ILDR1: variants seen among roughly 807,000 people sequenced by gnomAD.
ILDR1 encodes the protein immunoglobulin like domain containing receptor 1.
A neutral mutation model predicts 62.4 loss-of-function variants in ILDR1; 56 were observed. That is an observed-to-expected ratio of 0.90 (90% CI 0.72 to 1.12). The LOEUF is 1.12. Among genes scored for constraint, ILDR1 ranks in the 50% most tolerant of loss-of-function variants. The pLI, the probability that ILDR1 is intolerant of heterozygous loss-of-function variation, is 0.00. For synonymous variants in ILDR1, 284 were observed against 277.8 expected, an observed-to-expected ratio of 1.02 and a Z score of -0.22; for missense variants, 736 against 710.6, an observed-to-expected ratio of 1.04 and a Z score of -0.41.
rs111642362 is a variant in ILDR1, at chr3:122,002,628, T to A, written c.380-764A>T. 8.0e-3 allele frequency among the ~76,000 whole-genome samples: 1,218 copies of A among 152,264 alleles called. 15 individuals carry two copies. Among genetic ancestry groups the A allele is most frequent in the African/African-American group, 0.027 (1,123 of 41,536 alleles). On this transcript the variant is annotated intron_variant, in intron 3 of 7. Coordinates refer to ENST00000344209, the MANE Select transcript of ILDR1 (RefSeq NM_001199799.2). ...ATTTGCTGTACATTCATTTTTTTTT[T>A]AATTTTAAGGTCAGGGGTATATGTG...
the ILDR1 span, among the ~76,000 whole-genome samples, chr3:122,061,074 C>T: frequency 5.5e-3 from 842 of 152,158 alleles, 7 homozygotes; most frequent in African/African-American, 0.019. Context: ...TATTAGGTGT[C>T]GAATCAGATT....
chr3:122,012,026 C>T (rs1414356381), intron 1 of ILDR1, among the ~76,000 whole-genome samples: 2 of 152,172 alleles, frequency 1.3e-5, no homozygotes, highest in African/African-American at 4.8e-5. Context: ...AGTCAGGCGC[C>T]AGGCTCTTAA....
At chr3:122,037,162 G>T in the ILDR1 span, among the ~76,000 whole-genome samples, 11 of 152,342 alleles carry the variant, frequency 7.2e-5, no homozygotes, top group Admixed American at 7.2e-4. Context: ...GAATTGTGGG[G>T]TTGGAGCCCC....
upstream of ILDR1, among the ~76,000 whole-genome samples, chr3:122,026,017 C>T (rs546013154): frequency 9.1e-4 from 138 of 152,162 alleles, no homozygotes; most frequent in African/African-American, 3.2e-3. Flanking sequence ...AGCAGAGAGA[C>T]CAGCCTATAC....
chr3:121,997,266 T>A (rs763737693), intron 5 of ILDR1, among the ~76,000 whole-genome samples: 35 of 152,230 alleles, frequency 2.3e-4, no homozygotes, highest in Non-Finnish European at 3.8e-4. Flanking sequence ...CAGTCCTCCC[T>A]GATTTGACTG....
chr3:122,056,016 G>A, the ILDR1 span, among the ~76,000 whole-genome samples: 175 of 152,226 alleles, frequency 1.1e-3, no homozygotes, highest in African/African-American at 3.9e-3. Context: ...AGTGGAAGGA[G>A]GTAGAGTGAT....
Position 121,988,096 on chromosome 3 carries a change from A to G in ILDR1, c.*271T>C. 1 of 500,230 alleles carries G rather than the reference A, an allele frequency of 2.0e-6. No individual in the cohort carries two copies. The allele number at this position is 500,230 out of a possible 1,614,324, so 31.0% of individuals were successfully genotyped here. A position where few individuals can be genotyped will look rare whatever the true frequency, so the allele number is the denominator to read the frequency against. Reference sequence around the variant, plus strand: ...CCTAACTAATTTTTATATTTTTTGTAGAGACGGGGTCTCACTATGTTTCCC... The same window carrying G: ...CCTAACTAATTTTTATATTTTTTGTGGAGACGGGGTCTCACTATGTTTCCC... On this transcript the variant is annotated 3_prime_UTR_variant, in exon 8 of 8. Transcript: ENST00000344209.
chr3:122,045,371 G>A, the ILDR1 span, among the ~76,000 whole-genome samples: 8 of 151,202 alleles, frequency 5.3e-5, no homozygotes, highest in South Asian at 4.2e-4. Context: ...GTGTGGTGTG[G>A]TGCTGAAAAA....
chr3:122,042,363 G>C, the ILDR1 span, among the ~76,000 whole-genome samples: 4 of 59,484 alleles, frequency 6.7e-5, no homozygotes, highest in African/African-American at 2.7e-4. Context: ...TGTGAATAAT[G>C]CCGCAATAAA....
the ILDR1 span, among the ~76,000 whole-genome samples, chr3:122,052,164 T>G: frequency 1.3e-5 from 2 of 152,224 alleles, no homozygotes; most frequent in Non-Finnish European, 2.9e-5. Flanking sequence ...AAGAGGGCAC[T>G]GAGCTGTATT....
chr3:122,040,723 CAAAAAAAAAAAAAG>C, the ILDR1 span, among the ~76,000 whole-genome samples: 1 of 65,392 alleles, frequency 1.5e-5, no homozygotes, highest in African/African-American at 5.5e-5. Flanking sequence ...AATCCAGATG[CAAAAAAAAAAAAAG>C]AAAAAAAAAA....
chr3:122,013,386 G>A (rs2071731499), intron 1 of ILDR1, among the ~76,000 whole-genome samples: 4 of 152,080 alleles, frequency 2.6e-5, no homozygotes, highest in Admixed American at 2.6e-4. Flanking sequence ...TAGGCAGGAG[G>A]GTGAAGGCAG....
At position 122,005,250 on chromosome 3, in the gene ILDR1, G is replaced by A. The variant is rs2071587037; in HGVS notation, c.373C>T (p.Gln125Ter). ...VDYRQRKITI[Q>*]NRADLVINEV... ...ACACCTCCCCCGCACTCACGGTTCT[G>A]GATGGTGATCTTGCGCTGCCGGTAA... The change falls in exon 3 of 8, where the codon CAG (glutamine) becomes TAG (stop). Residue 125 changes from glutamine (Q) to a stop codon, truncating the protein, a stop_gained. Coordinates refer to ENST00000344209, the MANE Select transcript of ILDR1 (RefSeq NM_001199799.2). LOFTEE classifies it high-confidence loss of function. 6.3e-7 allele frequency: 1 copy of A among 1,593,154 alleles called. No individual in the cohort carries two copies. Among genetic ancestry groups the A allele is most frequent in the Non-Finnish European group, 8.6e-7 (1 of 1,165,224 alleles).
In ILDR1 at chr3:122,007,139, C is replaced by G. The variant is rs142568341; in HGVS notation, c.81G>C (p.Thr27=). 1 of 1,614,082 alleles carries G rather than the reference C, an allele frequency of 6.2e-7. No homozygotes were observed. Residue 27 remains threonine, a synonymous_variant, in exon 2 of 8, where the codon ACG becomes ACC. Transcript: ENST00000344209. Reference sequence around the variant, plus strand: ...TGACATAGCGTTCTGTGTGCTGGACCGTCACAAGCAAGGACAGGCACCCTA... The same window carrying G: ...TGACATAGCGTTCTGTGTGCTGGACGGTCACAAGCAAGGACAGGCACCCTA... The part of the protein sequence containing the change: ...LPAGCLSLLV[T]VQHTERYVTL...
In ILDR1 at chr3:122,022,110, G is replaced by A. The variant is rs763288766; in HGVS notation, c.-33C>T. On this transcript the variant is annotated 5_prime_UTR_variant, in exon 1 of 8. Transcript: ENST00000344209. ...CCTTTCTGGCCCTTTTCAGCTCAGG[G>A]GCTTCGGGGCACTGCGTCTTTCTTC... The A allele has an allele frequency of 6.4e-6, 10 of 1,568,858 alleles. No individual in the cohort carries two copies. In the Admixed American group the frequency reaches 1.8e-4, roughly 28 times the overall value.
Position 122,005,373 on chromosome 3 carries a change from G to C in ILDR1, c.250C>G (p.Leu84Val), listed in dbSNP as rs1015322277. The C allele has an allele frequency of 1.9e-6, 3 of 1,614,200 alleles. No individual in the cohort carries two copies. Among genetic ancestry groups the C allele is most frequent in the Non-Finnish European group, 1.7e-6 (2 of 1,180,034 alleles). The change falls in exon 3 of 8, where the codon CTG becomes GTG. Residue 84 changes from leucine (L) to valine (V), a missense_variant. Transcript: ENST00000344209. ...YSASYQAALS[L>V]GQDPSNDCND... Reference sequence around the variant, plus strand: ...CAGTCATTGGATGGGTCCTGGCCCAGGGATAAAGCTGCCTGGTATGCTGAG... The same window carrying C: ...CAGTCATTGGATGGGTCCTGGCCCACGGATAAAGCTGCCTGGTATGCTGAG...
At chr3:122,002,132 C>G (rs2071538260) in intron 3 of ILDR1, among the ~76,000 whole-genome samples, 1 of 151,840 alleles carries the variant, frequency 6.6e-6, no homozygotes, top group African/African-American at 2.4e-5. Context: ...ACAGTGAGAC[C>G]CTATCTCAAA....
At chr3:121,992,968 C>T (rs1358927799) in intron 7 of ILDR1, among the ~76,000 whole-genome samples, 182 bp downstream of exon 7, 2 of 152,244 alleles carry the variant, frequency 1.3e-5, no homozygotes, top group South Asian at 2.1e-4. Context: ...CCTCTGCACT[C>T]GCTTGATTTC....
At chr3:122,031,599 C>T in the ILDR1 span, among the ~76,000 whole-genome samples, 1 of 152,120 alleles carries the variant, frequency 6.6e-6, no homozygotes. Flanking sequence ...GGTTGGAGCC[C>T]TCATGAATGG....
Sources: gnomAD v4.1 joint callset for allele counts (sites outside exome capture counted in the v4.1 genomes callset) on GRCh38, gnomAD v4.1.1 for gene constraint, MANE v1.5 for transcripts, NCBI Gene and HGNC (gene_info 2026-07-23, HGNC 2026-07-21) for gene names.